NEK10: variants seen among roughly 807,000 people sequenced by gnomAD.
NEK10 encodes the protein serine/threonine-protein kinase Nek10.
A neutral mutation model predicts 159.8 loss-of-function variants in NEK10; 122 were observed. That is an observed-to-expected ratio of 0.76 (90% CI 0.66 to 0.89). The LOEUF (loss-of-function observed/expected upper bound fraction) is 0.89, where lower values mean the gene tolerates loss of function less well. Among genes scored for constraint, NEK10 ranks in the 40% least tolerant of loss-of-function variants. NEK10 has a pLI of 0.00. For missense variants in NEK10, 1,342 were observed against 1,323.1 expected, an observed-to-expected ratio of 1.01 and a Z score of -0.22; for synonymous variants, 466 against 457.1, an observed-to-expected ratio of 1.02 and a Z score of -0.25.
intron 22 of NEK10, among the ~76,000 whole-genome samples, chr3:27,269,541 T>C (rs1385687667): frequency 6.6e-6 from 1 of 152,222 alleles, no homozygotes; most frequent in African/African-American, 2.4e-5. Flanking sequence ...TATGTTTTAA[T>C]TGAGGTATGT....
At chr3:27,284,750 A>C in intron 21 of NEK10, 46 bp from the exon 22 acceptor site, 1 of 1,530,236 alleles carries the variant, frequency 6.5e-7, no homozygotes, top group Non-Finnish European at 9.1e-7. Flanking sequence ...CCCAACATAC[A>C]TATAGCCAAA....
chr3:27,227,441 CT>C (rs1359087673), intron 23 of NEK10, among the ~76,000 whole-genome samples: 1 of 152,180 alleles, frequency 6.6e-6, no homozygotes, highest in Non-Finnish European at 1.5e-5. Flanking sequence ...AGAGTCAAAA[CT>C]TCTTCCTCCT....
chr3:27,231,175 C>T (rs1469999657), intron 23 of NEK10, among the ~76,000 whole-genome samples: 1 of 151,886 alleles, frequency 6.6e-6, no homozygotes, highest in African/African-American at 2.4e-5. Context: ...TCTCAAACCA[C>T]AGTGGAATAA....
chr3:27,180,424 A>T (rs1012478442), intron 26 of NEK10, among the ~76,000 whole-genome samples: 38 of 52,760 alleles, frequency 7.2e-4, no homozygotes, highest in African/African-American at 2.7e-3. Flanking sequence ...AGGGAAGGGG[A>T]GGGGAGGGGA....
chr3:27,296,000 G>A (rs527443694), intron 14 of NEK10, among the ~76,000 whole-genome samples: 2 of 152,178 alleles, frequency 1.3e-5, no homozygotes, highest in East Asian at 3.9e-4. Context: ...GAGTAAAGGT[G>A]TCCCAATATC....
chr3:27,279,674 C>G (rs2042009998), intron 22 of NEK10, among the ~76,000 whole-genome samples: 1 of 152,086 alleles, frequency 6.6e-6, no homozygotes, highest in Non-Finnish European at 1.5e-5. Flanking sequence ...TTTATAGTCA[C>G]TGAAAATAAT....
chr3:27,220,943 G>A (rs985468346), intron 23 of NEK10, among the ~76,000 whole-genome samples: 11 of 152,120 alleles, frequency 7.2e-5, no homozygotes. Context: ...TTCAACAAAT[G>A]GTACTGGGAC....
chr3:27,153,357 G>A (rs917278274), intron 30 of NEK10, among the ~76,000 whole-genome samples: 9 of 151,584 alleles, frequency 5.9e-5, no homozygotes, highest in South Asian at 2.1e-4. Context: ...AGACAGTAGC[G>A]GGGACTTCAG....
chr3:27,323,671 T>C (rs1197004789), intron 5 of NEK10, among the ~76,000 whole-genome samples: 1 of 152,182 alleles, frequency 6.6e-6, no homozygotes, highest in African/African-American at 2.4e-5. Context: ...CATCATCAGA[T>C]TTCTAAAGAA....
chr3:27,329,078 G>C (rs1329795072), intron 5 of NEK10, among the ~76,000 whole-genome samples: 4 of 152,124 alleles, frequency 2.6e-5, no homozygotes, highest in Non-Finnish European at 5.9e-5. Context: ...TAATCATGGG[G>C]GCAGGTCTTT....
At position 27,342,883 on chromosome 3, in the gene NEK10, C is replaced by T. The variant is rs562838100; in HGVS notation, c.362+1389G>A. On this transcript the variant is annotated intron_variant, in intron 5 of 35. Coordinates refer to ENST00000691995, the MANE Select transcript of NEK10 (RefSeq NM_001394966.1). ...TGATTCTGTTATTACCATTGTTTCACTCCATTCAATCTAAGCAGAAAACAG... is the reference window on the plus strand; with the variant it reads ...TGATTCTGTTATTACCATTGTTTCATTCCATTCAATCTAAGCAGAAAACAG... Among the ~76,000 whole-genome samples the T allele has an allele frequency of 3.3e-5, 5 of 152,126 alleles. No individual in the cohort carries two copies. In the South Asian group the frequency reaches 1.0e-3, roughly 32 times the overall value.
chr3:27,129,376 C>T (rs1522154), intron 32 of NEK10, among the ~76,000 whole-genome samples: 149,872 of 152,156 alleles, frequency 0.98, 73,805 homozygotes, highest in East Asian at 1. Flanking sequence ...AGTGCATTTA[C>T]GGGCTGTCAC....
intron 29 of NEK10, among the ~76,000 whole-genome samples, chr3:27,164,876 C>A (rs1326570544): frequency 1.3e-5 from 2 of 152,192 alleles, no homozygotes; most frequent in Non-Finnish European, 2.9e-5. Flanking sequence ...GATGACTATT[C>A]CAGATGTCCT....
At chr3:27,316,238 T>A (rs1224760845) in intron 6 of NEK10, among the ~76,000 whole-genome samples, 1 of 152,010 alleles carries the variant, frequency 6.6e-6, no homozygotes. Flanking sequence ...GGGGAGCGTA[T>A]CAACTGGGAG....
chr3:27,265,860 G>T (rs1171159392), intron 22 of NEK10, among the ~76,000 whole-genome samples: 1 of 145,850 alleles, frequency 6.9e-6, no homozygotes, highest in East Asian at 2.0e-4. Flanking sequence ...AGGCTGGAGT[G>T]CAGTGGCGCA....
Position 27,132,009 on chromosome 3 carries a change from C to A in NEK10, c.2971-19G>T. Reference sequence around the variant, plus strand: ...GAGGAAGCTGCATAAAATAAGAAAACAATCATTATAAACAAATTGTTAACA... The same window carrying A: ...GAGGAAGCTGCATAAAATAAGAAAAAAATCATTATAAACAAATTGTTAACA... On this transcript the variant is annotated intron_variant, in intron 31 of 35. Coordinates refer to ENST00000691995, the MANE Select transcript of NEK10 (RefSeq NM_001394966.1). The A allele has an allele frequency of 1.4e-6, 2 of 1,426,518 alleles. No homozygotes were observed. The highest frequency in any genetic ancestry group is 9.9e-7 in the Non-Finnish European group (1 of 1,013,964). 88.4% of individuals were successfully genotyped at this position (1,426,518 alleles called of 1,614,324 possible).
intron 29 of NEK10, among the ~76,000 whole-genome samples, chr3:27,166,942 A>G (rs1473872074): frequency 6.6e-6 from 1 of 152,106 alleles, no homozygotes; most frequent in Non-Finnish European, 1.5e-5. Flanking sequence ...CCTGGGTGAA[A>G]GAGCAAAATT....
At chr3:27,136,993 C>T (rs1393465311) in intron 31 of NEK10, among the ~76,000 whole-genome samples, 1 of 152,136 alleles carries the variant, frequency 6.6e-6, no homozygotes, top group Non-Finnish European at 1.5e-5. Context: ...TTTCAGTCTT[C>T]CTTTGCAATT....
intron 22 of NEK10, among the ~76,000 whole-genome samples, chr3:27,263,041 G>A (rs1298361948): frequency 6.6e-6 from 1 of 152,190 alleles, no homozygotes; most frequent in African/African-American, 2.4e-5. Context: ...TAACAGTCAG[G>A]ACCCTCAGCT....
Sources: allele counts gnomAD v4.1 joint callset (sites outside exome capture counted in the v4.1 genomes callset), GRCh38; gene constraint gnomAD v4.1.1; transcripts MANE v1.5; gene names NCBI Gene and HGNC (gene_info 2026-07-23, HGNC 2026-07-21).